Variants in TFB2M observed in about 807,000 individuals in gnomAD.
TFB2M encodes the protein dimethyladenosine transferase 2, mitochondrial.
In TFB2M, 44 loss-of-function variants were observed where a neutral mutation model predicts 41.3. That is an observed-to-expected ratio of 1.07 (90% CI 0.84 to 1.37). TFB2M has a LOEUF of 1.37. Ranked by LOEUF, TFB2M falls within the 40% of genes most tolerant of loss-of-function variation. The pLI, the probability that TFB2M is intolerant of heterozygous loss-of-function variation, is 0.00. For synonymous variants in TFB2M, 188 were observed against 176.8 expected, an observed-to-expected ratio of 1.06 and a Z score of -0.50; for missense variants, 496 against 490.2, an observed-to-expected ratio of 1.01 and a Z score of -0.11.
At position 246,540,769 on chromosome 1, in the gene TFB2M, A is replaced by T; in HGVS notation, c.*262T>A. 2.8e-6 allele frequency: 1 copy of T among 354,284 alleles called. No individual in the cohort carries two copies. The highest frequency in any genetic ancestry group is 5.1e-6 in the Non-Finnish European group (1 of 195,804). 21.9% of individuals were successfully genotyped at this position (354,284 alleles called of 1,614,324 possible). ...GCAACAGTACAAGTGAAATATTTAAATAGGAATCTGAAACAAAACGAATTC... is the reference window on the plus strand; with the variant it reads ...GCAACAGTACAAGTGAAATATTTAATTAGGAATCTGAAACAAAACGAATTC... On this transcript the variant is annotated 3_prime_UTR_variant, in exon 8 of 8. Coordinates refer to ENST00000366514, the MANE Select transcript of TFB2M (RefSeq NM_022366.3).
intron 2 of TFB2M, among the ~76,000 whole-genome samples, chr1:246,561,932 C>T (rs1296247718): frequency 6.6e-6 from 1 of 151,940 alleles, no homozygotes; most frequent in African/African-American, 2.4e-5. Context: ...GTTATCTTCT[C>T]ATTTTTAATT....
In TFB2M at chr1:246,540,723, T is replaced by C; in HGVS notation, c.*308A>G. On this transcript the variant is annotated 3_prime_UTR_variant, in exon 8 of 8. Transcript: ENST00000366514. ...CTTAATAATGTACAGACTCTTGCTC[T>C]TCAAGAAGATGCAAAAATCAGCAAC... 3.8e-6 allele frequency: 1 copy of C among 260,970 alleles called. No individual in the cohort carries two copies. Among genetic ancestry groups the C allele is most frequent in the Non-Finnish European group, 7.3e-6 (1 of 136,924 alleles). The allele number at this position is 260,970 out of a possible 1,614,324, so 16.2% of individuals were successfully genotyped here. A position where few individuals can be genotyped will look rare whatever the true frequency, so the allele number is the denominator to read the frequency against.
At position 246,548,579 on chromosome 1, in the gene TFB2M, G is replaced by T. The variant is rs767272722; in HGVS notation, c.824C>A (p.Thr275Asn). The T allele has an allele frequency of 6.2e-7, 1 of 1,613,408 alleles. No individual in the cohort carries two copies. The highest frequency in any genetic ancestry group is 2.2e-5 in the East Asian group (1 of 44,838). Reference protein sequence around the residue: ...MEPWSSFDIYTRKGPLENPKR... With the variant: ...MEPWSSFDIYNRKGPLENPKR... ...TGGGTTTTCCAGCGGCCCTTTCCGG[G>T]TGTATATATCAAATGATGACCAAGG... The change falls in exon 6 of 8, where the codon ACC (threonine) becomes AAC (asparagine). Residue 275 changes from threonine to asparagine, a missense_variant. Transcript: ENST00000366514.
intron 4 of TFB2M, among the ~76,000 whole-genome samples, chr1:246,551,778 C>T (rs1024641611): frequency 2.0e-5 from 3 of 152,200 alleles, no homozygotes; most frequent in African/African-American, 7.2e-5. Flanking sequence ...AGACAAGAAA[C>T]CACATGTGAA....
Position 246,556,572 on chromosome 1 carries a change from C to A in TFB2M, c.705+1G>T, listed in dbSNP as rs1002340607. 2.0e-6 allele frequency: 3 copies of A among 1,486,466 alleles called. No homozygotes were observed. Among genetic ancestry groups the A allele is most frequent in the Non-Finnish European group, 2.7e-6 (3 of 1,109,388 alleles). The allele number at this position is 1,486,466 out of a possible 1,614,324, so 92.1% of individuals were successfully genotyped here. ...AAAATAGGTATTTGTTAATAACATA[C>A]CTGGAATTCTTTTTCACCAATAAAC... is the stretch of plus-strand genomic sequence containing the variant. On this transcript the variant is annotated splice_donor_variant, in intron 4 of 7. Transcript: ENST00000366514. LOFTEE classifies it high-confidence loss of function.
chr1:246,542,458 G>C (rs576054383), intron 7 of TFB2M, among the ~76,000 whole-genome samples: 3 of 151,968 alleles, frequency 2.0e-5, no homozygotes, highest in Non-Finnish European at 4.4e-5. Context: ...GATCATTTGA[G>C]CCCAAGAGTT....
intron 6 of TFB2M, among the ~76,000 whole-genome samples, chr1:246,547,513 T>C (rs1262620828): frequency 1.3e-5 from 2 of 152,210 alleles, no homozygotes; most frequent in African/African-American, 4.8e-5. Flanking sequence ...CAATGATGAC[T>C]GATCACTCTA....
rs749352240 is a variant in TFB2M at position 246,541,035 on chromosome 1, C to G, written c.1187G>C (p.Arg396Thr). 11 of 1,607,552 alleles carry G rather than the reference C, an allele frequency of 6.8e-6. No homozygotes were observed. The highest frequency in any genetic ancestry group is 5.1e-5 in the Admixed American group (3 of 59,086). Reference protein sequence around the residue: ...KWLYDETLEDR With the variant: ...KWLYDETLEDT ...CCAAAAACGACAGTCTAGTTGCTACCTATCTTCCAGGGTTTCATCATACAG... is the reference window on the plus strand; with the variant it reads ...CCAAAAACGACAGTCTAGTTGCTACGTATCTTCCAGGGTTTCATCATACAG... Residue 396 changes from arginine (R) to threonine (T), a missense_variant, in exon 8 of 8, where the codon AGG becomes ACG. Physicochemically the swap from Arg to Thr is moderately conservative, Grantham distance 71. Coordinates refer to ENST00000366514, the MANE Select transcript of TFB2M (RefSeq NM_022366.3).
intron 6 of TFB2M, among the ~76,000 whole-genome samples, chr1:246,546,163 C>G (rs985335980): frequency 6.6e-6 from 1 of 151,692 alleles, no homozygotes; most frequent in Admixed American, 6.6e-5. Context: ...AACAAACAAA[C>G]TAGCTGGGCG....
intron 5 of TFB2M, among the ~76,000 whole-genome samples, chr1:246,550,810 G>A (rs1165938136): frequency 1.3e-5 from 2 of 152,220 alleles, no homozygotes; most frequent in Non-Finnish European, 2.9e-5. Flanking sequence ...TTGAATACAG[G>A]ATGTAGAGGT....
chr1:246,548,454 T>C, intron 6 of TFB2M, 91 bp downstream of exon 6: 1 of 1,083,392 alleles, frequency 9.2e-7, no homozygotes. Flanking sequence ...AATTAAAAAG[T>C]TAAATACAGA....
At chr1:246,559,098 A>G (rs1425233441) in intron 2 of TFB2M, among the ~76,000 whole-genome samples, 2 of 152,180 alleles carry the variant, frequency 1.3e-5, no homozygotes, top group Admixed American at 1.3e-4. Flanking sequence ...TCCTATTTCT[A>G]AATCTAGTAA....
chr1:246,560,051 C>A (rs948883692), intron 2 of TFB2M, among the ~76,000 whole-genome samples: 3 of 152,106 alleles, frequency 2.0e-5, no homozygotes, highest in Non-Finnish European at 4.4e-5. Context: ...GCCCAACACA[C>A]ATTTGTCATC....
intron 7 of TFB2M, among the ~76,000 whole-genome samples, chr1:246,543,425 T>TA (rs1658914900): frequency 1.3e-5 from 2 of 152,052 alleles, no homozygotes; most frequent in Non-Finnish European, 2.9e-5. Flanking sequence ...CTCATGCCTG[T>TA]AACCCCAACA....
intron 4 of TFB2M, among the ~76,000 whole-genome samples, chr1:246,551,586 C>T (rs963006796): frequency 1.1e-4 from 17 of 151,320 alleles, no homozygotes; most frequent in Non-Finnish European, 2.1e-4. Context: ...GCAGGGCACG[C>T]GGGGTCACGC....
chr1:246,565,845 T>C lies in TFB2M; in HGVS notation c.294A>G (p.Leu98=). 1.9e-6 allele frequency: 3 copies of C among 1,601,954 alleles called. No individual in the cohort carries two copies. The highest frequency in any genetic ancestry group is 1.7e-6 in the Non-Finnish European group (2 of 1,169,604). The change falls in exon 1 of 8, where the codon CTA becomes CTG. Residue 98 remains leucine (L), a synonymous_variant. Coordinates refer to ENST00000366514, the MANE Select transcript of TFB2M (RefSeq NM_022366.3). ...YLGKPSRPPH[L]LLECNPGPGI... is the part of the protein sequence containing the mutation. ...ACTCACCTGGATTGCACTCCAGCAG[T>C]AGGTGTGGAGGTCTACTTGGTTTTC...
At chr1:246,557,682 T>C (rs1659361612) in intron 2 of TFB2M, 148 bp from the exon 3 acceptor site, 1 of 770,836 alleles carries the variant, frequency 1.3e-6, no homozygotes, top group Admixed American at 3.7e-5. Flanking sequence ...TTGTTTTGTT[T>C]TGTTTTTGAG....
intron 5 of TFB2M, among the ~76,000 whole-genome samples, chr1:246,550,904 A>G (rs1659159999): frequency 6.6e-6 from 1 of 152,172 alleles, no homozygotes; most frequent in African/African-American, 2.4e-5. Flanking sequence ...AAAATAAAAA[A>G]TAGAGCCAGG....
At chr1:246,545,865 A>T (rs993928252) in intron 6 of TFB2M, among the ~76,000 whole-genome samples, 1 of 149,710 alleles carries the variant, frequency 6.7e-6, no homozygotes, top group Non-Finnish European at 1.5e-5. Flanking sequence ...TGTACTTCTC[A>T]GCTGCAAAGC....
Sources: gnomAD v4.1 joint callset for allele counts (sites outside exome capture counted in the v4.1 genomes callset) on GRCh38, gnomAD v4.1.1 for gene constraint, MANE v1.5 for transcripts, NCBI Gene and HGNC (gene_info 2026-07-23, HGNC 2026-07-21) for gene names.